The following RNF157 variants were observed in gnomAD, a reference collection of about 807,000 sequenced individuals.
RNF157 encodes the protein ring finger protein 157.
A neutral mutation model predicts 88.3 loss-of-function variants in RNF157; 55 were observed. That is an observed-to-expected ratio of 0.62 (90% CI 0.50 to 0.78). RNF157 has a LOEUF of 0.78. Ranked by LOEUF, RNF157 falls within the 30% of genes least tolerant of loss-of-function variation. The probability of loss-of-function intolerance (pLI) is 0.00; values close to 1 mark genes in which losing one functional copy is unlikely to be tolerated. For missense variants in RNF157, 788 were observed against 860.8 expected, an observed-to-expected ratio of 0.92 and a Z score of 1.06; for synonymous variants, 334 against 341.2, an observed-to-expected ratio of 0.98 and a Z score of 0.23.
At position 76,143,771 on chromosome 17, in the gene RNF157, T is replaced by TG. The variant is rs898130569; in HGVS notation, c.*1463_*1464insC. On this transcript the variant is annotated 3_prime_UTR_variant, in exon 19 of 19. Transcript: ENST00000269391. Reference sequence around the variant, plus strand: ...TGGAAACAGCCTTGAATTTTTTTTTTTTTGTTTGAGACAGAGTTTCGATCT... The same window carrying TG: ...TGGAAACAGCCTTGAATTTTTTTTTTGTTTGTTTGAGACAGAGTTTCGATCT... The TG allele has an allele frequency of 9.9e-5, 15 of 152,260 alleles. No homozygotes were observed. The highest frequency in any genetic ancestry group is 3.6e-4 in the African/African-American group (15 of 41,532). 9.4% of individuals were successfully genotyped at this position (152,260 alleles called of 1,614,324 possible). A position where few individuals can be genotyped will look rare whatever the true frequency, so the allele number is the denominator to read the frequency against.
intron 1 of RNF157, among the ~76,000 whole-genome samples, chr17:76,230,836 TAAAAAAA>T (rs1160772405): frequency 1.4e-5 from 1 of 70,380 alleles, no homozygotes; most frequent in Non-Finnish European, 2.5e-5. Context: ...AGACTCCATC[TAAAAAAA>T]AAAAAAAAAA....
intron 2 of RNF157, among the ~76,000 whole-genome samples, chr17:76,205,679 C>T (rs1311116656): frequency 1.3e-5 from 2 of 151,776 alleles, no homozygotes; most frequent in Non-Finnish European, 2.9e-5. Context: ...GAGCCAAGAT[C>T]GTGCCACTGC....
chr17:76,206,405 T>C (rs1206095798), intron 2 of RNF157, among the ~76,000 whole-genome samples: 1 of 152,176 alleles, frequency 6.6e-6, no homozygotes, highest in African/African-American at 2.4e-5. Flanking sequence ...ATGGTCTTTA[T>C]TTAACATTTT....
At chr17:76,163,408 T>C (rs918257004) in intron 8 of RNF157, 4 of 152,294 alleles carry the variant, frequency 2.6e-5, no homozygotes, top group African/African-American at 9.7e-5. Flanking sequence ...TTGACCAGGC[T>C]GGTCTCAAAC....
chr17:76,192,582 A>G (rs2069405464), intron 2 of RNF157, among the ~76,000 whole-genome samples: 4 of 152,194 alleles, frequency 2.6e-5, no homozygotes, highest in Admixed American at 2.6e-4. Flanking sequence ...GATTTTGAAT[A>G]TTTGCCCCGC....
At chr17:76,223,530 T>A (rs2070025807) in intron 1 of RNF157, among the ~76,000 whole-genome samples, 1 of 152,170 alleles carries the variant, frequency 6.6e-6, no homozygotes, top group African/African-American at 2.4e-5. Flanking sequence ...TTCCTTTTCC[T>A]GTACTGTAAT....
intron 11 of RNF157, 66 bp from the exon 12 acceptor site, chr17:76,159,639 T>TA: frequency 8.8e-7 from 1 of 1,136,058 alleles, no homozygotes; most frequent in Non-Finnish European, 1.3e-6. Context: ...GTGATCATGC[T>TA]ACTTCTCTAC....
chr17:76,181,111 G>A (rs898318045), intron 2 of RNF157, among the ~76,000 whole-genome samples: 3 of 152,014 alleles, frequency 2.0e-5, no homozygotes, highest in Non-Finnish European at 4.4e-5. Context: ...TTGAACCCAG[G>A]TACATCTGAC....
rs372094411 is a variant in RNF157 at position 76,166,453 on chromosome 17, G to A, written c.628+8C>T. 1.4e-5 allele frequency: 22 copies of A among 1,611,916 alleles called. No individual in the cohort carries two copies. Among genetic ancestry groups the A allele is most frequent in the African/African-American group, 1.3e-4 (10 of 74,796 alleles). On this transcript the variant is annotated splice_region_variant and intron_variant, in intron 6 of 18. Transcript: ENST00000269391. ...TGCACAGCCAAAGAGGACAGAAATC[G>A]CCCCTACCGTCTCCTTCATCCACCA...
intron 12 of RNF157, 117 bp downstream of exon 12, chr17:76,159,218 G>A (rs2068810958): frequency 1.2e-6 from 1 of 851,544 alleles, no homozygotes; most frequent in East Asian, 2.5e-5. Flanking sequence ...GCAGCTCTGG[G>A]AACAGCCCAG....
intron 2 of RNF157, among the ~76,000 whole-genome samples, chr17:76,193,043 T>G (rs192379256): frequency 3.3e-5 from 5 of 152,198 alleles, no homozygotes; most frequent in Admixed American, 6.5e-5. Flanking sequence ...GGTCTCAAAC[T>G]CCAGAGCTCA....
intron 18 of RNF157, among the ~76,000 whole-genome samples, chr17:76,149,936 A>AGG (rs1196363286): frequency 1.3e-5 from 2 of 152,164 alleles, no homozygotes; most frequent in Non-Finnish European, 2.9e-5. Flanking sequence ...CAGGAGGCTG[A>AGG]GGCAGAGAAT....
At chr17:76,194,818 A>G (rs1461242075) in intron 2 of RNF157, among the ~76,000 whole-genome samples, 3 of 152,186 alleles carry the variant, frequency 2.0e-5, no homozygotes, top group Admixed American at 6.5e-5. Context: ...GATCGAGACC[A>G]TCCTGGCTAA....
In RNF157 at chr17:76,157,106, A is replaced by G. The variant is rs2068778207; in HGVS notation, c.1414-785T>C. Among the ~76,000 whole-genome samples, 1 of 152,118 alleles carries G rather than the reference A, an allele frequency of 6.6e-6. No individual in the cohort carries two copies. Among genetic ancestry groups the G allele is most frequent in the East Asian group, 1.9e-4 (1 of 5,186 alleles). On this transcript the variant is annotated intron_variant, in intron 13 of 18. Transcript: ENST00000269391. This position sits in a 1 kb window ranked among gnomAD's most constrained non-coding sequence, Gnocchi z 5.6. The stretch of plus-strand genomic sequence containing the variant: ...CTCAGCCTCCCGAGTAGCTGGGACT[A>G]CAGGTGCATGCCACCACACCTGGCT...
chr17:76,202,355 G>A (rs901041250), intron 2 of RNF157, among the ~76,000 whole-genome samples: 2 of 152,164 alleles, frequency 1.3e-5, no homozygotes, highest in Admixed American at 1.3e-4. Context: ...GCTGTTCCTT[G>A]GAGTGTCCTT....
Position 76,145,246 on chromosome 17 carries a change from A to G in RNF157, c.2029T>C (p.Leu677=). 1 of 1,603,566 alleles carries G rather than the reference A, an allele frequency of 6.2e-7. No homozygotes were observed. The highest frequency in any genetic ancestry group is 8.5e-7 in the Non-Finnish European group (1 of 1,174,588). The change falls in exon 19 of 19, where the codon TTG becomes CTG. Residue 677 remains leucine, a synonymous_variant. Coordinates refer to ENST00000269391, the MANE Select transcript of RNF157 (RefSeq NM_052916.3). ...GCAGAGGCTGGGGCTCAGACAGCCAAAGGGCCCCACACACAGGGCCTCGTC... is the reference window on the plus strand; with the variant it reads ...GCAGAGGCTGGGGCTCAGACAGCCAGAGGGCCCCACACACAGGGCCTCGTC... ...SETRPCVWGP[L]AV is the part of the protein sequence containing the mutation.
chr17:76,223,273 C>T (rs1228554841), intron 1 of RNF157, among the ~76,000 whole-genome samples: 2 of 151,462 alleles, frequency 1.3e-5, no homozygotes, highest in Non-Finnish European at 2.9e-5. Context: ...CTGCAACATC[C>T]GCCTCCCAGG....
At chr17:76,202,128 T>TCTCACACACACACA (rs1250661867) in intron 2 of RNF157, among the ~76,000 whole-genome samples, 1 of 134,602 alleles carries the variant, frequency 7.4e-6, no homozygotes, top group Non-Finnish European at 1.5e-5. Context: ...TCTCTCTCTC[T>TCTCACACACACACA]CACACACACA....
At chr17:76,228,495 A>G (rs1374592074) in intron 1 of RNF157, among the ~76,000 whole-genome samples, 1 of 152,134 alleles carries the variant, frequency 6.6e-6, no homozygotes, top group Non-Finnish European at 1.5e-5. Context: ...CACATCTGTA[A>G]CCATCCTTCT....
Sources: gnomAD v4.1 joint callset for allele counts (sites outside exome capture counted in the v4.1 genomes callset) on GRCh38, gnomAD v4.1.1 for gene constraint, Gnocchi (gnomAD v3.1) non-coding constraint, MANE v1.5 for transcripts, NCBI Gene and HGNC (gene_info 2026-07-23, HGNC 2026-07-21) for gene names.